The following SGIP1 variants were observed in gnomAD, a reference collection of about 807,000 sequenced individuals.
The protein encoded by SGIP1 is SH3GL interacting endocytic adaptor 1, also known as SH3-containing GRB2-like protein 3-interacting protein 1.
SGIP1 carries 38 observed loss-of-function variants against 107.5 expected under a neutral mutation model. The ratio of observed to expected loss-of-function variants is 0.35; its 90% CI spans 0.27 to 0.46. The LOEUF (loss-of-function observed/expected upper bound fraction) is 0.46, where lower values mean the gene tolerates loss of function less well. Ranked by LOEUF, SGIP1 falls within the 20% of genes least tolerant of loss-of-function variation. The pLI is 1.00. For synonymous variants in SGIP1, 365 were observed against 366.1 expected (o/e 1.00, Z 0.03); for missense variants, 929 against 1,019.5 (o/e 0.91, Z 1.21).
At chr1:66,723,532 T>C (rs2093633088) in intron 19 of SGIP1, among the ~76,000 whole-genome samples, 1 of 152,144 alleles carries the variant, frequency 6.6e-6, no homozygotes, top group South Asian at 2.1e-4. Flanking sequence ...AGATTAACTC[T>C]CTAATTCCCT....
chr1:66,545,024 G>A (rs1485792935), intron 1 of SGIP1, among the ~76,000 whole-genome samples: 2 of 152,118 alleles, frequency 1.3e-5, no homozygotes, highest in Non-Finnish European at 2.9e-5. Context: ...CTTAAGAGCT[G>A]TAGATTGTCT....
chr1:66,722,470 C>T lies in SGIP1; in HGVS notation c.1742+3065C>T, dbSNP rs1157810979. ...AGAGCTGGATTTTGCCTGTTTGGTTCACTGTTGTGTCCTCAGCTAAACAGG... is the reference window on the plus strand; with the variant it reads ...AGAGCTGGATTTTGCCTGTTTGGTTTACTGTTGTGTCCTCAGCTAAACAGG... On this transcript the variant is annotated intron_variant, in intron 19 of 24. Coordinates refer to ENST00000371037, the MANE Select transcript of SGIP1 (RefSeq NM_032291.4). 7.9e-5 allele frequency among the ~76,000 whole-genome samples: 12 copies of T among 152,116 alleles called. No homozygotes were observed. In the East Asian group the frequency reaches 1.7e-3, roughly 22 times the overall value.
chr1:66,723,407 C>G (rs187393337), intron 19 of SGIP1, among the ~76,000 whole-genome samples: 319 of 152,248 alleles, frequency 2.1e-3, no homozygotes, highest in African/African-American at 7.2e-3. Flanking sequence ...ACATGTAAGA[C>G]TTTCTCAGTA....
At position 66,682,362 on chromosome 1, in the gene SGIP1, C is replaced by T. The variant is rs2086925278; in HGVS notation, c.1308C>T (p.Thr436=). 1 of 1,609,910 alleles carries T rather than the reference C, an allele frequency of 6.2e-7. No individual in the cohort carries two copies. The highest frequency in any genetic ancestry group is 8.5e-7 in the Non-Finnish European group (1 of 1,178,818). ...CTGGCTCGGGCCCTGGTCCGGGGAC[C>T]ACCAGTGGTATGTCTTATGCTTGAG... ...PGPGSGPGPG[T]TSGASSPARP... The change falls in exon 15 of 25, where the codon ACC becomes ACT. Residue 436 remains threonine (T), a synonymous_variant. Transcript: ENST00000371037.
chr1:66,609,168 T>C (rs2067441506), intron 1 of SGIP1, among the ~76,000 whole-genome samples: 1 of 152,234 alleles, frequency 6.6e-6, no homozygotes, highest in South Asian at 2.1e-4. Flanking sequence ...ATAAAACGAA[T>C]GCCTTCAATT....
chr1:66,607,952 C>A (rs1440206105), intron 1 of SGIP1, among the ~76,000 whole-genome samples: 2 of 152,096 alleles, frequency 1.3e-5, no homozygotes, highest in Non-Finnish European at 2.9e-5. Flanking sequence ...GGGAAGCATG[C>A]GGGGATCACC....
At chr1:66,642,050 G>T (rs2076889610) in intron 5 of SGIP1, among the ~76,000 whole-genome samples, 2 of 152,062 alleles carry the variant, frequency 1.3e-5, no homozygotes, top group Non-Finnish European at 2.9e-5. Context: ...CTGCCCCAAG[G>T]CTATCCTGGA....
intron 1 of SGIP1, among the ~76,000 whole-genome samples, chr1:66,600,363 C>T (rs75016736): frequency 4.5e-5 from 1 of 22,390 alleles, no homozygotes; most frequent in Non-Finnish European, 8.0e-5. Flanking sequence ...AGCACAGAGA[C>T]CCCCCTCCTA....
chr1:66,578,502 C>T (rs191213864), intron 1 of SGIP1, among the ~76,000 whole-genome samples: 1 of 152,136 alleles, frequency 6.6e-6, no homozygotes, highest in African/African-American at 2.4e-5. Context: ...ATAGCCCATC[C>T]CTCCTACAAG....
chr1:66,539,181 C>T (rs892707529), intron 1 of SGIP1, among the ~76,000 whole-genome samples: 1 of 152,122 alleles, frequency 6.6e-6, no homozygotes, highest in Non-Finnish European at 1.5e-5. Flanking sequence ...TGAATTTGGG[C>T]TCATGTGTCT....
rs1405221041 is a variant in SGIP1, at chr1:66,745,747, A to G, written c.*2652A>G. The G allele has an allele frequency of 6.6e-6, 1 of 152,130 alleles. No individual in the cohort carries two copies. The highest frequency in any genetic ancestry group is 1.5e-5 in the Non-Finnish European group (1 of 67,946). 9.4% of individuals were successfully genotyped at this position (152,130 alleles called of 1,614,324 possible). A position where few individuals can be genotyped will look rare whatever the true frequency, so the allele number is the denominator to read the frequency against. On this transcript the variant is annotated 3_prime_UTR_variant, in exon 25 of 25. Coordinates refer to ENST00000371037, the MANE Select transcript of SGIP1 (RefSeq NM_032291.4). Reference sequence around the variant, plus strand: ...TATGATCTTTAAAAGGTTCTGCTTTAGCAAGATAAAAAGTATAAATGATGC... The same window carrying G: ...TATGATCTTTAAAAGGTTCTGCTTTGGCAAGATAAAAAGTATAAATGATGC...
chr1:66,741,619 A>G (rs1572487551), intron 24 of SGIP1, among the ~76,000 whole-genome samples, 183 bp downstream of exon 24: 1 of 152,226 alleles, frequency 6.6e-6, no homozygotes, highest in Non-Finnish European at 1.5e-5. Flanking sequence ...ACTAGAAATC[A>G]GAAGTCAGGA....
At chr1:66,712,991 C>A (rs1165067000) in intron 18 of SGIP1, among the ~76,000 whole-genome samples, 1 of 152,100 alleles carries the variant, frequency 6.6e-6, no homozygotes, top group Non-Finnish European at 1.5e-5. Context: ...ACTCATCCTT[C>A]TAGGGGGTAT....
chr1:66,670,730 A>G (rs2083572285), intron 9 of SGIP1, among the ~76,000 whole-genome samples: 1 of 152,154 alleles, frequency 6.6e-6, no homozygotes, highest in Admixed American at 6.5e-5. Context: ...AATTTAATTT[A>G]CCAAATCTAC....
chr1:66,558,785 T>G (rs1041712564), intron 1 of SGIP1, among the ~76,000 whole-genome samples: 2 of 149,952 alleles, frequency 1.3e-5, no homozygotes, highest in Admixed American at 6.6e-5. Context: ...GGGTGTGTAG[T>G]TCTCTTTTTT....
chr1:66,685,964 AATGGT>A (rs2088114482), intron 15 of SGIP1, among the ~76,000 whole-genome samples: 1 of 152,226 alleles, frequency 6.6e-6, no homozygotes, highest in Admixed American at 6.5e-5. Context: ...TGTTCAAAGA[AATGGT>A]ATCATTATGG....
In SGIP1 at chr1:66,594,538, T is replaced by G. The variant is rs17129151; in HGVS notation, c.11-31309T>G. ...TATTTCCCAGGTCTGGCCCTTAGCC[T>G]TGGAGATCCAGGTACTTGGTTTTGC... On this transcript the variant is annotated intron_variant, in intron 1 of 24. Transcript: ENST00000371037. 8.8e-3 allele frequency among the ~76,000 whole-genome samples: 1,342 copies of G among 152,310 alleles called. 15 individuals are homozygous for G. Among genetic ancestry groups the G allele is most frequent in the African/African-American group, 0.028 (1,184 of 41,564 alleles).
rs1313003358 is a variant in SGIP1, at chr1:66,630,978, GA to G, written c.75-2091del. 7.4e-5 allele frequency among the ~76,000 whole-genome samples: 8 copies of G among 108,018 alleles called. 1 individual carries two copies. The highest frequency in any genetic ancestry group is 1.2e-4 in the Non-Finnish European group (5 of 42,960). The allele number at this position is 108,018 out of a possible 152,430, so 70.9% of individuals were successfully genotyped here. On this transcript the variant is annotated intron_variant, in intron 2 of 24. Coordinates refer to ENST00000371037, the MANE Select transcript of SGIP1 (RefSeq NM_032291.4). Reference sequence around the variant, plus strand: ...AAGAGAAAGAAAGAAAGAGAGGAAAGAGAGGAAGAAGGAAGGAAGGGAAAGG... The same window carrying G: ...AAGAGAAAGAAAGAAAGAGAGGAAAGGAGGAAGAAGGAAGGAAGGGAAAGG...
At chr1:66,650,167 G>A (rs577011058) in intron 7 of SGIP1, among the ~76,000 whole-genome samples, 2 of 152,222 alleles carry the variant, frequency 1.3e-5, no homozygotes, top group East Asian at 3.9e-4. Context: ...ATTACCCAAA[G>A]CATCAAACTG....
Sources: allele counts gnomAD v4.1 joint callset (sites outside exome capture counted in the v4.1 genomes callset), GRCh38; gene constraint gnomAD v4.1.1; transcripts MANE v1.5; gene names NCBI Gene and HGNC (gene_info 2026-07-23, HGNC 2026-07-21).